The following MAST4 variants were observed in gnomAD, a reference collection of about 807,000 sequenced individuals.
The protein encoded by MAST4 is microtubule-associated serine/threonine-protein kinase 4.
MAST4 carries 89 observed loss-of-function variants against 162.7 expected under a neutral mutation model. The observed-to-expected ratio is 0.55, with a 90% CI of 0.46 to 0.65. The LOEUF is 0.65. MAST4 is among the 30% of genes least tolerant of loss of function. The probability of loss-of-function intolerance (pLI) is 0.00; values close to 1 mark genes in which losing one functional copy is unlikely to be tolerated. For missense variants in MAST4, 3,153 were observed against 3,374.0 expected (o/e 0.93, Z 1.62); for synonymous variants, 1,479 against 1,361.1 (o/e 1.09, Z -1.91).
At chr5:66,810,338 C>T (rs773057651) in intron 3 of MAST4, among the ~76,000 whole-genome samples, 2 of 152,270 alleles carry the variant, frequency 1.3e-5, no homozygotes, top group South Asian at 2.1e-4. Context: ...GCCCATGCTC[C>T]GTCCCACGCG....
intron 6 of MAST4, among the ~76,000 whole-genome samples, chr5:67,095,058 A>C (rs957015411): frequency 6.6e-6 from 1 of 152,160 alleles, no homozygotes; most frequent in African/African-American, 2.4e-5. Flanking sequence ...CTTAATGCTA[A>C]AGTTATTTGA....
At chr5:66,839,057 G>A (rs1165332452) in intron 3 of MAST4, among the ~76,000 whole-genome samples, 1 of 152,150 alleles carries the variant, frequency 6.6e-6, no homozygotes, top group Non-Finnish European at 1.5e-5. Context: ...CTGCTGGACC[G>A]AGGTGGTGAC....
chr5:66,739,714 G>T (rs959505741), intron 1 of MAST4, among the ~76,000 whole-genome samples: 1 of 152,150 alleles, frequency 6.6e-6, no homozygotes, highest in African/African-American at 2.4e-5. Flanking sequence ...GGGATTCAGA[G>T]CAGGCAGCGA....
Position 66,996,046 on chromosome 5 carries a change from G to A in MAST4, c.675-58358G>A, listed in dbSNP as rs565001225. Among the ~76,000 whole-genome samples the A allele has an allele frequency of 3.3e-5, 5 of 152,262 alleles. No individual in the cohort carries two copies. The South Asian group carries it at 6.2e-4, about 19-fold the overall frequency. On this transcript the variant is annotated intron_variant, in intron 4 of 28. Coordinates refer to ENST00000403625, the MANE Select transcript of MAST4 (RefSeq NM_001164664.2). ...TAATCCCAACACTTTGGGAGGCTGC[G>A]GTGGGTGGATTGCCTAAGGTCAGGA...
intron 1 of MAST4, among the ~76,000 whole-genome samples, 199 bp downstream of exon 1, chr5:66,597,217 C>A (rs1045221730): frequency 1.3e-5 from 2 of 152,190 alleles, no homozygotes; most frequent in African/African-American, 4.8e-5. Flanking sequence ...GCTGTTACCC[C>A]CGTGTGTGTG....
chr5:66,730,751 C>CTGTGTGTGTGTGTG (rs70987138), intron 1 of MAST4, among the ~76,000 whole-genome samples: 11 of 149,252 alleles, frequency 7.4e-5, no homozygotes, highest in African/African-American at 2.2e-4. Context: ...CCTACCTACT[C>CTGTGTGTGTGTGTG]TGTGTGTGTG....
intron 3 of MAST4, among the ~76,000 whole-genome samples, chr5:66,893,918 A>G (rs1365298459): frequency 1.3e-5 from 2 of 152,194 alleles, no homozygotes; most frequent in Non-Finnish European, 2.9e-5. Flanking sequence ...TTCTGCCTTT[A>G]CAAGTGACTC....
intron 1 of MAST4, among the ~76,000 whole-genome samples, chr5:66,742,414 A>G (rs1380335885): frequency 6.6e-6 from 1 of 152,148 alleles, no homozygotes; most frequent in Non-Finnish European, 1.5e-5. Context: ...GGCTAAGATT[A>G]GTTGTAATTT....
At chr5:66,954,666 TG>T (rs1745089773) in intron 4 of MAST4, among the ~76,000 whole-genome samples, 1 of 152,122 alleles carries the variant, frequency 6.6e-6, no homozygotes, top group African/African-American at 2.4e-5. Flanking sequence ...TTTGGGAGGC[TG>T]AGGCGGGAGG....
intron 3 of MAST4, among the ~76,000 whole-genome samples, chr5:66,890,599 G>C (rs1277185945): frequency 6.6e-6 from 1 of 152,192 alleles, no homozygotes; most frequent in Non-Finnish European, 1.5e-5. Context: ...TAAAAAGTGT[G>C]AAATTTGCTT....
chr5:66,882,516 AGTTAGTAAGCCCATTTCATT>A (rs1220516777), intron 3 of MAST4, among the ~76,000 whole-genome samples: 2 of 152,118 alleles, frequency 1.3e-5, no homozygotes, highest in East Asian at 1.9e-4. Context: ...TTACTCTGCC[AGTTAGTAAGCCCATTTCATT>A]GTTAGTAAGC....
At chr5:66,982,303 A>G (rs1054949892) in intron 4 of MAST4, among the ~76,000 whole-genome samples, 20 of 152,046 alleles carry the variant, frequency 1.3e-4, no homozygotes, top group African/African-American at 4.8e-4. Flanking sequence ...ATTTTTCCTT[A>G]CTTAGGGAGA....
chr5:67,133,442 G>C, intron 16 of MAST4, 72 bp from the exon 17 acceptor site: 2 of 1,520,374 alleles, frequency 1.3e-6, no homozygotes, highest in Non-Finnish European at 1.8e-6. Context: ...ACTGAGGGGG[G>C]AAGGGAGGAA....
At chr5:67,078,916 ATATATATATATATATATATATATAT>A (rs1401706792) in intron 5 of MAST4, among the ~76,000 whole-genome samples, 1,587 of 65,680 alleles carry the variant, frequency 0.024, 105 homozygotes, top group Non-Finnish European at 0.025. Flanking sequence ...ATATAAATAT[ATATATATATATATATATATATATAT>A]ATATATATAT....
intron 3 of MAST4, among the ~76,000 whole-genome samples, chr5:66,833,782 C>T (rs1442663951): frequency 1.3e-5 from 2 of 152,126 alleles, no homozygotes; most frequent in African/African-American, 2.4e-5. Context: ...CTATAACATG[C>T]ATTATTTTAA....
chr5:66,839,924 G>A (rs796351871), intron 3 of MAST4, among the ~76,000 whole-genome samples: 7 of 151,984 alleles, frequency 4.6e-5, no homozygotes, highest in African/African-American at 1.7e-4. Context: ...TTGTGCATGT[G>A]TGTGTGTGTG....
chr5:66,924,442 G>A (rs527836311), intron 4 of MAST4, among the ~76,000 whole-genome samples: 11 of 150,510 alleles, frequency 7.3e-5, no homozygotes, highest in Non-Finnish European at 1.5e-4. Flanking sequence ...CACCCAGGCT[G>A]GAGTGCAGTG....
At chr5:66,799,607 A>T (rs1755819309) in intron 3 of MAST4, among the ~76,000 whole-genome samples, 1 of 152,206 alleles carries the variant, frequency 6.6e-6, no homozygotes, top group Non-Finnish European at 1.5e-5. Context: ...TCTGCTTTTG[A>T]ATATGAACCC....
At position 67,166,703 on chromosome 5, in the gene MAST4, CG is replaced by C; in HGVS notation, c.7528del (p.Glu2510ArgfsTer6). On this transcript the variant is annotated frameshift_variant, in exon 29 of 29. Transcript: ENST00000403625. LOFTEE classifies it low-confidence loss of function (END_TRUNC). ...GGGACCATAGGAAGGCTCAGCCTGCCGGGGAGGGCCGAACCCACATGACAAA... is the reference window on the plus strand; with the variant it reads ...GGGACCATAGGAAGGCTCAGCCTGCCGGGAGGGCCGAACCCACATGACAAA... ...NRDHRKAQPA[G>X]EGRTHMTKSD... 6.3e-7 allele frequency: 1 copy of C among 1,588,926 alleles called. No individual in the cohort carries two copies. Among genetic ancestry groups the C allele is most frequent in the South Asian group, 1.1e-5 (1 of 87,132 alleles).
Sources: gnomAD v4.1 joint callset for allele counts (sites outside exome capture counted in the v4.1 genomes callset) on GRCh38, gnomAD v4.1.1 for gene constraint, MANE v1.5 for transcripts, NCBI Gene and HGNC (gene_info 2026-07-23, HGNC 2026-07-21) for gene names.